The following QTMAN variants were observed in gnomAD, a reference collection of about 807,000 sequenced individuals.
The protein encoded by QTMAN is tRNA-queuosine alpha-mannosyltransferase.
the QTMAN span, among the ~76,000 whole-genome samples, chr2:144,232,957 T>C: frequency 6.6e-6 from 1 of 152,194 alleles, no homozygotes; most frequent in African/African-American, 2.4e-5. Flanking sequence ...TTGCATTTTT[T>C]ATTTCAAAGG....
chr2:144,208,533 T>C, the QTMAN span: 3 of 1,282,008 alleles, frequency 2.3e-6, no homozygotes, highest in African/African-American at 1.5e-5. Context: ...AAGATACTGA[T>C]GGAGAAGCAA....
the QTMAN span, among the ~76,000 whole-genome samples, chr2:144,185,320 A>G: frequency 3.3e-5 from 5 of 152,292 alleles, no homozygotes; most frequent in East Asian, 5.8e-4. Context: ...ATTAGGCCAT[A>G]CAAGGATCTG....
the QTMAN span, among the ~76,000 whole-genome samples, chr2:144,202,358 TA>T: frequency 6.6e-6 from 1 of 152,218 alleles, no homozygotes; most frequent in African/African-American, 2.4e-5. Flanking sequence ...CTTTCTCCTA[TA>T]AACAAATAAA....
chr2:144,163,209 GGTT>G, the QTMAN span, among the ~76,000 whole-genome samples: 4 of 151,862 alleles, frequency 2.6e-5, no homozygotes, highest in African/African-American at 9.6e-5. Context: ...AAGTAAAACA[GGTT>G]ATTACAGATT....
chr2:144,109,475 CAT>C, the QTMAN span, among the ~76,000 whole-genome samples: 92 of 152,276 alleles, frequency 6.0e-4, no homozygotes, highest in African/African-American at 2.1e-3. Context: ...CCATTCAGGA[CAT>C]AGGCATGGGC....
At chr2:144,110,473 T>C in the QTMAN span, among the ~76,000 whole-genome samples, 2 of 152,196 alleles carry the variant, frequency 1.3e-5, no homozygotes, top group Non-Finnish European at 2.9e-5. Flanking sequence ...CACACCAACA[T>C]GGCACATGTA....
chr2:144,007,219 G>C, the QTMAN span: 3 of 1,608,398 alleles, frequency 1.9e-6, no homozygotes, highest in Non-Finnish European at 2.5e-6. Context: ...AGTCTTTGCT[G>C]ATTATCAACT....
the QTMAN span, among the ~76,000 whole-genome samples, chr2:144,294,770 A>G: frequency 6.6e-6 from 1 of 152,234 alleles, no homozygotes; most frequent in Non-Finnish European, 1.5e-5. Flanking sequence ...AGTATCAATG[A>G]GTAAAATCCA....
chr2:144,257,400 G>A, the QTMAN span, among the ~76,000 whole-genome samples: 2 of 150,994 alleles, frequency 1.3e-5, no homozygotes, highest in East Asian at 3.9e-4. Context: ...CAGAAGGAGA[G>A]AGAAAAAAAA....
the QTMAN span, among the ~76,000 whole-genome samples, chr2:144,038,156 C>CT: frequency 1.3e-5 from 2 of 152,166 alleles, no homozygotes; most frequent in South Asian, 4.1e-4. Context: ...CCTCTTTTCC[C>CT]TGATAAAAAA....
chr2:144,296,438 T>C, the QTMAN span, among the ~76,000 whole-genome samples: 3 of 152,160 alleles, frequency 2.0e-5, no homozygotes, highest in Non-Finnish European at 2.9e-5. Flanking sequence ...TTGACTTCCA[T>C]CAAAAGTGTT....
chr2:143,981,316 T>C, the QTMAN span, among the ~76,000 whole-genome samples: 1 of 152,090 alleles, frequency 6.6e-6, no homozygotes, highest in African/African-American at 2.4e-5. Flanking sequence ...GATAGGTCTA[T>C]GAAATGACAT....
the QTMAN span, among the ~76,000 whole-genome samples, chr2:144,295,039 G>T: frequency 1.3e-5 from 2 of 152,164 alleles, no homozygotes; most frequent in Non-Finnish European, 2.9e-5. Context: ...ATGACACACA[G>T]AAGTCAATAT....
chr2:144,007,856 G>A, the QTMAN span, among the ~76,000 whole-genome samples: 1 of 151,936 alleles, frequency 6.6e-6, no homozygotes, highest in East Asian at 1.9e-4. Flanking sequence ...TCCATTTTGT[G>A]TTTTCCAATC....
chr2:144,272,073 T>C, the QTMAN span, among the ~76,000 whole-genome samples: 1 of 152,204 alleles, frequency 6.6e-6, no homozygotes, highest in Non-Finnish European at 1.5e-5. Flanking sequence ...GTGTCTGATA[T>C]TGTTCTCTGT....
chr2:144,107,782 C>T, the QTMAN span, among the ~76,000 whole-genome samples: 6 of 152,146 alleles, frequency 3.9e-5, no homozygotes, highest in African/African-American at 1.2e-4. Context: ...GATACCAAAG[C>T]CTGACAGAGA....
chr2:144,075,834 TG>T, the QTMAN span, among the ~76,000 whole-genome samples: 1 of 152,250 alleles, frequency 6.6e-6, no homozygotes, highest in East Asian at 1.9e-4. Context: ...AGCAGTGATT[TG>T]AGACAGAACC....
the QTMAN span, among the ~76,000 whole-genome samples, chr2:144,208,105 C>A: frequency 6.6e-6 from 1 of 152,146 alleles, no homozygotes; most frequent in Non-Finnish European, 1.5e-5. Flanking sequence ...AATCTACTCA[C>A]CCTTCAAGAA....
At chr2:143,957,432 T>C in the QTMAN span, 1 of 669,980 alleles carries the variant, frequency 1.5e-6, no homozygotes, top group Non-Finnish European at 2.2e-6. Flanking sequence ...TCAGGTTAAT[T>C]AGCTGCTGCT....
Sources: gnomAD v4.1 joint callset for allele counts (sites outside exome capture counted in the v4.1 genomes callset) on GRCh38, gnomAD v4.1.1 for gene constraint, MANE v1.5 for transcripts, NCBI Gene and HGNC (gene_info 2026-07-23, HGNC 2026-07-21) for gene names.